OTUD7A: variants seen among roughly 807,000 people sequenced by gnomAD.
The protein encoded by OTUD7A is OTU deubiquitinase 7A, also known as OTU domain-containing protein 7A.
A neutral mutation model predicts 65.7 loss-of-function variants in OTUD7A; 12 were observed. The observed-to-expected ratio is 0.18, with a 90% confidence interval of 0.12 to 0.30. The LOEUF is 0.30. Among genes scored for constraint, OTUD7A ranks in the 10% least tolerant of loss-of-function variants. The pLI is 1.00. For synonymous variants in OTUD7A, 641 were observed against 586.3 expected, an observed-to-expected ratio of 1.09 and a Z score of -1.35; for missense variants, 1,148 against 1,304.8, an observed-to-expected ratio of 0.88 and a Z score of 1.85.
chr15:31,617,483 CAAAAAAAA>C (rs60306792), intron 3 of OTUD7A, among the ~76,000 whole-genome samples: 1 of 143,224 alleles, frequency 7.0e-6, no homozygotes, highest in Non-Finnish European at 1.5e-5. Context: ...GACTCCATGT[CAAAAAAAA>C]AAGAAAAAAA....
intron 1 of OTUD7A, among the ~76,000 whole-genome samples, chr15:31,737,586 A>G (rs1456087057): frequency 6.6e-6 from 1 of 152,230 alleles, no homozygotes; most frequent in East Asian, 1.9e-4. Context: ...TTCAAGTTCA[A>G]TATCTAAGAA....
intron 3 of OTUD7A, among the ~76,000 whole-genome samples, chr15:31,645,038 T>C (rs983233771): frequency 2.6e-5 from 4 of 152,172 alleles, no homozygotes; most frequent in Non-Finnish European, 4.4e-5. Context: ...TGCAGTTCTC[T>C]CTGTGTAGCT....
At chr15:31,754,031 T>C (rs762034503) in intron 1 of OTUD7A, among the ~76,000 whole-genome samples, 14 of 151,948 alleles carry the variant, frequency 9.2e-5, no homozygotes, top group Non-Finnish European at 1.9e-4. Context: ...ACATCTACTA[T>C]TTTTTGATTT....
At chr15:31,857,668 C>T (rs1320016558) in intron 1 of OTUD7A, among the ~76,000 whole-genome samples, 1 of 152,206 alleles carries the variant, frequency 6.6e-6, no homozygotes, top group Non-Finnish European at 1.5e-5. Context: ...GCGGGGATGA[C>T]ATGTGACTCC....
At chr15:31,735,979 A>G (rs1255100546) in intron 1 of OTUD7A, among the ~76,000 whole-genome samples, 1 of 152,224 alleles carries the variant, frequency 6.6e-6, no homozygotes, top group Non-Finnish European at 1.5e-5. Context: ...CAAATACCAC[A>G]TGTTCTCACT....
chr15:31,616,811 T>G (rs1890602156), intron 3 of OTUD7A, among the ~76,000 whole-genome samples: 1 of 152,180 alleles, frequency 6.6e-6, no homozygotes, highest in African/African-American at 2.4e-5. Context: ...CCCAAAGTGC[T>G]GGGATTACAG....
At chr15:31,507,408 C>T (rs751751664) in intron 8 of OTUD7A, among the ~76,000 whole-genome samples, 9 of 151,920 alleles carry the variant, frequency 5.9e-5, no homozygotes, top group Admixed American at 1.3e-4. Context: ...ATTTAAAGGA[C>T]GTCGTTCCAT....
rs1444975763 is a variant in OTUD7A at position 31,483,710 on chromosome 15, C to T, written c.2386G>A (p.Gly796Arg). ...ARDEACAPAV[G>R]ALRPCATYPQ... Reference sequence around the variant, plus strand: ...TACGTGGCGCACGGCCGCAGCGCCCCCACGGCCGGCGCGCACGCCTCGTCC... The same window carrying T: ...TACGTGGCGCACGGCCGCAGCGCCCTCACGGCCGGCGCGCACGCCTCGTCC... Residue 796 changes from glycine to arginine, a missense_variant, in exon 13 of 13, where the codon GGG (glycine) becomes AGG (arginine). Gly to Arg is a moderately radical substitution (Grantham distance 125, BLOSUM62 -2). Around this residue, in one of 6 missense-constraint regions of OTUD7A, gnomAD observed 842 missense variants for 769.5 expected, o/e 1.09. Transcript: ENST00000307050. 1.3e-5 allele frequency: 15 copies of T among 1,144,762 alleles called. No individual in the cohort carries two copies. The highest frequency in any genetic ancestry group is 1.5e-5 in the Non-Finnish European group (14 of 934,144). The allele number at this position is 1,144,762 out of a possible 1,614,324, so 70.9% of individuals were successfully genotyped here. A position where few individuals can be genotyped will look rare whatever the true frequency, so the allele number is the denominator to read the frequency against.
At chr15:31,682,200 T>C (rs1306272216) in intron 1 of OTUD7A, among the ~76,000 whole-genome samples, 1 of 152,140 alleles carries the variant, frequency 6.6e-6, no homozygotes, top group Non-Finnish European at 1.5e-5. Context: ...CAGTCAAAAA[T>C]TCTAACTAAG....
chr15:31,814,518 G>A (rs1896500482), intron 1 of OTUD7A, among the ~76,000 whole-genome samples: 1 of 151,776 alleles, frequency 6.6e-6, no homozygotes, highest in African/African-American at 2.4e-5. Context: ...CAAAAACCTT[G>A]CGTAAGTTCT....
chr15:31,719,342 T>A (rs1893674936), intron 1 of OTUD7A, among the ~76,000 whole-genome samples: 1 of 151,858 alleles, frequency 6.6e-6, no homozygotes, highest in African/African-American at 2.4e-5. Context: ...AAAGTAAACA[T>A]GCCAAAACTC....
intron 7 of OTUD7A, 30 bp downstream of exon 7, chr15:31,527,151 C>G: frequency 1.2e-6 from 2 of 1,613,228 alleles, no homozygotes; most frequent in Non-Finnish European, 1.7e-6. Flanking sequence ...GCCTGGGTCC[C>G]GGGCTCTGGC....
chr15:31,735,761 A>G (rs1894173075), intron 1 of OTUD7A, among the ~76,000 whole-genome samples: 1 of 152,200 alleles, frequency 6.6e-6, no homozygotes, highest in African/African-American at 2.4e-5. Context: ...ACATGCACCT[A>G]TATGTTCATT....
chr15:31,816,687 CA>C (rs879438355), intron 1 of OTUD7A, among the ~76,000 whole-genome samples: 56 of 132,050 alleles, frequency 4.2e-4, no homozygotes, highest in Non-Finnish European at 4.3e-4. Context: ...GACTCCGTCT[CA>C]AAAAAAAAAA....
intron 10 of OTUD7A, among the ~76,000 whole-genome samples, chr15:31,499,258 G>C (rs940980563): frequency 6.6e-6 from 1 of 152,178 alleles, no homozygotes; most frequent in African/African-American, 2.4e-5. Context: ...TCTTCCTGGG[G>C]CTTGTGATTA....
chr15:31,752,011 G>T (rs1476723536), intron 1 of OTUD7A, among the ~76,000 whole-genome samples: 2 of 152,032 alleles, frequency 1.3e-5, no homozygotes, highest in Non-Finnish European at 2.9e-5. Flanking sequence ...ATATACCCTT[G>T]TAACAAACCT....
intron 1 of OTUD7A, among the ~76,000 whole-genome samples, chr15:31,678,622 G>C (rs1892644653): frequency 1.3e-5 from 2 of 152,262 alleles, no homozygotes; most frequent in South Asian, 2.1e-4. Flanking sequence ...AGCCTTGGCA[G>C]CTTTCATGTG....
chr15:31,794,132 T>A (rs1595773369), intron 1 of OTUD7A, among the ~76,000 whole-genome samples: 1 of 152,342 alleles, frequency 6.6e-6, no homozygotes, highest in East Asian at 1.9e-4. Context: ...GGTTCATTTT[T>A]CTCTATATGG....
rs138249113 is a variant in OTUD7A at position 31,603,161 on chromosome 15, C to G, written c.152-32964G>C. Among the ~76,000 whole-genome samples the G allele has an allele frequency of 6.6e-3, 1,004 of 152,266 alleles. 6 individuals carry two copies. Among genetic ancestry groups the G allele is most frequent in the Non-Finnish European group, 0.011 (715 of 68,018 alleles). On this transcript the variant is annotated intron_variant, in intron 3 of 12. Coordinates refer to ENST00000307050, the MANE Select transcript of OTUD7A (RefSeq NM_001382637.1). ...ACAATCCTAAACAAAAAGAACAAAG[C>G]TGGGGGCATCACGCTACCTGACTTC...
Sources: gnomAD v4.1 joint callset for allele counts (sites outside exome capture counted in the v4.1 genomes callset) on GRCh38, gnomAD v4.1.1 for gene constraint, gnomAD v4.1.1 regional missense constraint, MANE v1.5 for transcripts, NCBI Gene and HGNC (gene_info 2026-07-23, HGNC 2026-07-21) for gene names.